The following UTRN variants were observed in gnomAD, a reference collection of about 807,000 sequenced individuals.
UTRN encodes utrophin, also known as dystrophin-related protein 1.
Under a neutral mutation model 463.9 loss-of-function variants are expected in UTRN, and 283 were observed. The ratio of observed to expected loss-of-function variants is 0.61; its 90% CI spans 0.55 to 0.67. The LOEUF is 0.67. Ranked by LOEUF, UTRN falls within the 30% of genes least tolerant of loss-of-function variation. The pLI is 0.00. For missense variants in UTRN, 3,922 were observed against 4,084.3 expected (o/e 0.96, Z 1.08); for synonymous variants, 1,442 against 1,431.5 (o/e 1.01, Z -0.17).
At chr6:144,407,511 C>G (rs1783522584) in intron 3 of UTRN, among the ~76,000 whole-genome samples, 1 of 152,178 alleles carries the variant, frequency 6.6e-6, no homozygotes, top group Non-Finnish European at 1.5e-5. Context: ...TGGAGTTGTG[C>G]TGCAGTGATT....
intron 65 of UTRN, among the ~76,000 whole-genome samples, chr6:144,813,971 A>C (rs575775319): frequency 6.6e-6 from 1 of 152,312 alleles, no homozygotes; most frequent in African/African-American, 2.4e-5. Context: ...GGAGCATCTC[A>C]AGGCAACAGA....
chr6:144,752,780 A>G (rs1335056817), intron 56 of UTRN, among the ~76,000 whole-genome samples: 3 of 151,204 alleles, frequency 2.0e-5, no homozygotes, highest in Non-Finnish European at 4.4e-5. Flanking sequence ...TCTTCATGTG[A>G]TGATTCTTAT....
At chr6:144,734,281 T>C (rs755090935) in intron 54 of UTRN, among the ~76,000 whole-genome samples, 3 of 152,172 alleles carry the variant, frequency 2.0e-5, no homozygotes, top group Non-Finnish European at 4.4e-5. Context: ...GTTGAACTCA[T>C]CAGTACTTGC....
chr6:144,376,444 ACT>A (rs1054187823), intron 2 of UTRN, among the ~76,000 whole-genome samples: 10 of 147,522 alleles, frequency 6.8e-5, no homozygotes, highest in Non-Finnish European at 1.5e-4. Context: ...ACAGAGCGAC[ACT>A]CTGTCTCAAA....
chr6:144,660,744 G>C (rs185373074), intron 51 of UTRN, among the ~76,000 whole-genome samples: 1 of 152,180 alleles, frequency 6.6e-6, no homozygotes, highest in African/African-American at 2.4e-5. Context: ...ACTCAGCTGT[G>C]GGTGGCAGAA....
intron 2 of UTRN, among the ~76,000 whole-genome samples, chr6:144,346,470 T>C (rs1198823319): frequency 2.0e-5 from 3 of 152,220 alleles, no homozygotes; most frequent in Non-Finnish European, 4.4e-5. Context: ...TGTGTGTCCA[T>C]AGTGTAGGCT....
chr6:144,426,412 C>G lies in UTRN; in HGVS notation c.531C>G (p.Thr177=), dbSNP rs1785298059. 1 of 1,614,000 alleles carries G rather than the reference C, an allele frequency of 6.2e-7. No individual in the cohort carries two copies. The highest frequency in any genetic ancestry group is 8.5e-7 in the Non-Finnish European group (1 of 1,180,032). ...AAGTCAACGTCCTCAACTTCACCAC[C>G]AGCTGGACAGATGGACTCGCCTTTA... ...YSQVNVLNFT[T]SWTDGLAFNA... is the part of the protein sequence containing the mutation. Residue 177 remains threonine, a synonymous_variant, in exon 7 of 75, where the codon ACC becomes ACG. Transcript: ENST00000367545.
chr6:144,551,059 T>C lies in UTRN; in HGVS notation c.6905T>C (p.Met2302Thr). The C allele has an allele frequency of 6.2e-7, 1 of 1,601,760 alleles. No homozygotes were observed. Among genetic ancestry groups the C allele is most frequent in the Non-Finnish European group, 8.5e-7 (1 of 1,177,024 alleles). ...NLKNKASSSDMRTAITEKLER... is the reference protein window; with the variant it reads ...NLKNKASSSDTRTAITEKLER... ...AAAAATAAAGCTTCCAGTTCAGATA[T>C]GAGAACAGCAATTACAGAAAAATGT... The change falls in exon 48 of 75, where the codon ATG becomes ACG. Residue 2302 changes from methionine to threonine, a missense_variant. Met to Thr is a moderately conservative substitution (Grantham distance 81, BLOSUM62 -1). Coordinates refer to ENST00000367545, the MANE Select transcript of UTRN (RefSeq NM_007124.3).
intron 57 of UTRN, 84 bp downstream of exon 57, chr6:144,754,882 T>A: frequency 7.5e-7 from 1 of 1,327,454 alleles, no homozygotes; most frequent in Non-Finnish European, 1.1e-6. Context: ...CCGTATTCCT[T>A]GCTATAAATA....
At chr6:144,436,479 C>T (rs1786542489) in intron 10 of UTRN, among the ~76,000 whole-genome samples, 1 of 151,932 alleles carries the variant, frequency 6.6e-6, no homozygotes, top group Non-Finnish European at 1.5e-5. Flanking sequence ...TTGAGTGTTC[C>T]CTAGGAAATG....
chr6:144,347,333 A>G (rs1421649250), intron 2 of UTRN, among the ~76,000 whole-genome samples: 1 of 152,234 alleles, frequency 6.6e-6, no homozygotes, highest in African/African-American at 2.4e-5. Flanking sequence ...AGGGTGTCCA[A>G]TGTGGAGGGT....
At chr6:144,342,946 G>A (rs955724426) in intron 2 of UTRN, among the ~76,000 whole-genome samples, 81 of 152,146 alleles carry the variant, frequency 5.3e-4, no homozygotes, top group African/African-American at 1.9e-3. Flanking sequence ...AAGTCAGCCC[G>A]TCCATTTTAC....
chr6:144,585,077 A>AAGTT (rs1245781028), intron 51 of UTRN, among the ~76,000 whole-genome samples: 3 of 152,100 alleles, frequency 2.0e-5, no homozygotes, highest in African/African-American at 7.2e-5. Flanking sequence ...CGAAGGTATT[A>AAGTT]AGTTAGTGCA....
Position 144,620,969 on chromosome 6 carries a change from G to T in UTRN, c.7479+43681G>T, listed in dbSNP as rs541799352. Among the ~76,000 whole-genome samples the T allele has an allele frequency of 1.7e-4, 26 of 152,272 alleles. No homozygotes were observed. The East Asian group carries it at 4.8e-3, about 28-fold the overall frequency. ...AGCTTGCATAGTAAGAGCAGCTCCA[G>T]TGTGGTATTAGTAGGGTTAATGATT... On this transcript the variant is annotated intron_variant, in intron 51 of 74. Coordinates refer to ENST00000367545, the MANE Select transcript of UTRN (RefSeq NM_007124.3).
chr6:144,671,475 G>A (rs779732375), intron 51 of UTRN, among the ~76,000 whole-genome samples: 59 of 152,016 alleles, frequency 3.9e-4, no homozygotes, highest in South Asian at 8.3e-4. Flanking sequence ...ACTGATTTGT[G>A]TACATTCATT....
intron 48 of UTRN, 94 bp from the exon 49 acceptor site, chr6:144,554,594 G>C: frequency 7.4e-7 from 1 of 1,347,522 alleles, no homozygotes. Flanking sequence ...TCTGTTTATA[G>C]ACTTATTTGT....
intron 2 of UTRN, among the ~76,000 whole-genome samples, chr6:144,353,052 C>T (rs1778246622): frequency 6.6e-6 from 1 of 152,124 alleles, no homozygotes; most frequent in Non-Finnish European, 1.5e-5. Context: ...AAGCAGTCCT[C>T]CCACCTCAGC....
At chr6:144,608,551 T>A (rs1231808001) in intron 51 of UTRN, among the ~76,000 whole-genome samples, 1 of 152,174 alleles carries the variant, frequency 6.6e-6, no homozygotes, top group African/African-American at 2.4e-5. Flanking sequence ...GGAACAGTTT[T>A]CTTTGACTGT....
chr6:144,701,062 A>G (rs145851494), intron 53 of UTRN, among the ~76,000 whole-genome samples: 13 of 152,070 alleles, frequency 8.5e-5, no homozygotes, highest in Admixed American at 3.9e-4. Context: ...GCATGCCACC[A>G]TGCCCGGCTA....
Sources: gnomAD v4.1 joint callset for allele counts (sites outside exome capture counted in the v4.1 genomes callset) on GRCh38, gnomAD v4.1.1 for gene constraint, MANE v1.5 for transcripts, NCBI Gene and HGNC (gene_info 2026-07-23, HGNC 2026-07-21) for gene names.